The following GNAO1 variants were observed in gnomAD, a reference collection of about 807,000 sequenced individuals.
The protein encoded by GNAO1 is G protein subunit alpha o1, also known as guanine nucleotide-binding protein G(o) subunit alpha.
For missense variants in GNAO1, 166 were observed against 478.7 expected (o/e 0.35, Z 6.10); for synonymous variants, 164 against 180.7 (o/e 0.91, Z 0.74).
intron 3 of GNAO1, among the ~76,000 whole-genome samples, chr16:56,304,097 G>A (rs1323147242): frequency 6.6e-6 from 1 of 152,206 alleles, no homozygotes; most frequent in Admixed American, 6.5e-5. Context: ...GGATACAAGA[G>A]GGCGCCTGGT....
rs189990922 is a variant in GNAO1, at chr16:56,276,056, G to A, written c.287G>A (p.Gly96Asp). ...ATGGACACTTTGGGCATCGAATATG[G>A]TGATAAGGAGAGAAAGGTAGGCCCC... ...RAMDTLGIEYGDKERKADAKM... is the reference protein window; with the variant it reads ...RAMDTLGIEYDDKERKADAKM... The change falls in exon 3 of 9, where the codon GGT becomes GAT. Residue 96 changes from glycine to aspartate, a missense_variant. Transcript: ENST00000262493. 6.2e-7 allele frequency: 1 copy of A among 1,613,814 alleles called. No homozygotes were observed. Among genetic ancestry groups the A allele is most frequent in the Non-Finnish European group, 8.5e-7 (1 of 1,179,852 alleles).
At chr16:56,235,341 C>T (rs1201152865) in intron 2 of GNAO1, 1 of 456,070 alleles carries the variant, frequency 2.2e-6, no homozygotes, top group Admixed American at 2.3e-5. Flanking sequence ...TAGCCCAGCC[C>T]ATCAACAGAT....
At chr16:56,284,627 G>C (rs2037147028) in intron 3 of GNAO1, among the ~76,000 whole-genome samples, 1 of 152,134 alleles carries the variant, frequency 6.6e-6, no homozygotes, top group Non-Finnish European at 1.5e-5. Context: ...GCCCCTCCCA[G>C]CTGCCCCCCA....
chr16:56,297,574 T>C (rs1269976172), intron 3 of GNAO1, among the ~76,000 whole-genome samples: 3 of 135,368 alleles, frequency 2.2e-5, no homozygotes, highest in Admixed American at 2.2e-4. Context: ...TGTGTGTGTA[T>C]GCATGTGTTT....
rs369818930 is a variant in GNAO1 at position 56,355,002 on chromosome 16, C to A, written c.1014C>A (p.Ala338=). The A allele has an allele frequency of 6.2e-7, 1 of 1,613,522 alleles. No homozygotes were observed. The highest frequency in any genetic ancestry group is 1.7e-5 in the Admixed American group (1 of 59,988). Residue 338 remains alanine (A), a synonymous_variant, in exon 8 of 9, where the codon GCC becomes GCA. Transcript: ENST00000262493. ...ATAACATCCAGGTGGTGTTCGACGC[C>A]GTCACCGACATCATCATTGCCAACA... ...DTNNIQVVFD[A]VTDIIIANNL...
intron 3 of GNAO1, among the ~76,000 whole-genome samples, chr16:56,310,141 TAAAAAACAAAAAAAAGAAAGAAAA>T (rs2037440216): frequency 6.7e-6 from 1 of 149,624 alleles, no homozygotes; most frequent in African/African-American, 2.5e-5. Context: ...ACCCCATTTC[TAAAAAACAAAAAAAAGAAAGAAAA>T]AAAAAAGAAA....
chr16:56,258,719 C>A (rs564924151), intron 2 of GNAO1, among the ~76,000 whole-genome samples: 2 of 152,318 alleles, frequency 1.3e-5, no homozygotes, highest in South Asian at 4.1e-4. Context: ...TCTGGGCAGC[C>A]CCTGCCTGTT....
intron 2 of GNAO1, among the ~76,000 whole-genome samples, chr16:56,210,627 G>A (rs1862124327): frequency 6.6e-6 from 1 of 152,206 alleles, no homozygotes; most frequent in South Asian, 2.1e-4. Flanking sequence ...GTATGTTGTG[G>A]TATCTCGTTG....
At chr16:56,240,214 A>G (rs2036681133) in intron 2 of GNAO1, among the ~76,000 whole-genome samples, 1 of 152,162 alleles carries the variant, frequency 6.6e-6, no homozygotes, top group Non-Finnish European at 1.5e-5. Context: ...CATTGGTCTC[A>G]GCTCAGTGTG....
intron 3 of GNAO1, among the ~76,000 whole-genome samples, chr16:56,327,280 C>A (rs995675826): frequency 1.3e-5 from 2 of 152,070 alleles, no homozygotes; most frequent in Admixed American, 1.3e-4. Flanking sequence ...AGCAGAAACA[C>A]GGCCTCTCAA....
intron 2 of GNAO1, among the ~76,000 whole-genome samples, chr16:56,211,779 G>T (rs1333092511): frequency 6.6e-5 from 10 of 152,164 alleles, no homozygotes; most frequent in African/African-American, 2.4e-4. Context: ...CCCGCTTCTC[G>T]TTGATTGTCC....
At chr16:56,348,021 C>A in intron 6 of GNAO1, 1 of 981,404 alleles carries the variant, frequency 1.0e-6, no homozygotes. Flanking sequence ...AGCCGTCTCT[C>A]TCGAGTGCAG....
chr16:56,259,795 ATCT>A (rs1245027379), intron 2 of GNAO1, among the ~76,000 whole-genome samples: 1 of 152,144 alleles, frequency 6.6e-6, no homozygotes, highest in Non-Finnish European at 1.5e-5. Flanking sequence ...GACAACAGAA[ATCT>A]TCTGATTGTT....
intron 2 of GNAO1, among the ~76,000 whole-genome samples, chr16:56,212,439 C>A (rs2036398293): frequency 6.6e-6 from 1 of 152,212 alleles, no homozygotes; most frequent in African/African-American, 2.4e-5. Flanking sequence ...TGTCTCTTGG[C>A]TGACTGTCAT....
At position 56,351,310 on chromosome 16, in the gene GNAO1, C is replaced by G; in HGVS notation, c.724-74C>G. The G allele has an allele frequency of 1.1e-5, 12 of 1,069,776 alleles. No individual in the cohort carries two copies. The highest frequency in any genetic ancestry group is 1.7e-5 in the Non-Finnish European group (12 of 712,546). The allele number at this position is 1,069,776 out of a possible 1,614,324, so 66.3% of individuals were successfully genotyped here. On this transcript the variant is annotated intron_variant, in intron 6 of 8. Coordinates refer to ENST00000262493, the MANE Select transcript of GNAO1 (RefSeq NM_020988.3). This position sits in a 1 kb window ranked among gnomAD's most constrained non-coding sequence, Gnocchi z 6.1. The stretch of plus-strand genomic sequence containing the variant: ...CAGTCCCTCTCTGTCAAGCCTAATT[C>G]TCTCCTTCTCTTTCCCTGTCTCTGT...
chr16:56,312,200 C>A (rs555396350), intron 3 of GNAO1, among the ~76,000 whole-genome samples: 6 of 152,198 alleles, frequency 3.9e-5, no homozygotes, highest in African/African-American at 1.4e-4. Context: ...ATGTGGGCTC[C>A]GGAGTCAGGC....
rs371362351 is a variant in GNAO1, at chr16:56,354,872, A to G, written c.884A>G (p.Asn295Ser). ...CTTCTGTGTCTTGTTACAGGCCCCA[A>G]TACCTATGAAGACGCAGCCGCCTAC... Reference protein sequence around the residue: ...TICFPEYTGPNTYEDAAAYIQ... With the variant: ...TICFPEYTGPSTYEDAAAYIQ... The change falls in exon 8 of 9, where the codon AAT becomes AGT. Residue 295 changes from asparagine (N) to serine (S), a missense_variant. Transcript: ENST00000262493. The surrounding 1 kb of genome is among the most constrained non-coding windows in gnomAD (Gnocchi z 4.3). The G allele has an allele frequency of 9.3e-6, 15 of 1,610,224 alleles. No individual in the cohort carries two copies. The highest frequency in any genetic ancestry group is 1.7e-5 in the Admixed American group (1 of 59,964).
rs747565910 is a variant in GNAO1 at position 56,192,352 on chromosome 16, C to G, written c.117C>G (p.Leu39=). Residue 39 remains leucine (L), a splice_region_variant and synonymous_variant, in exon 1 of 9, where the codon CTC becomes CTG. Coordinates refer to ENST00000262493, the MANE Select transcript of GNAO1 (RefSeq NM_020988.3). The part of the protein sequence containing the change: ...SAAKDVKLLL[L]GAGESGKSTI... Reference sequence around the variant, plus strand: ...CCAAAGACGTGAAATTACTCCTGCTCGGTAAGGACCGCCGCTGCTACCCCC... The same window carrying G: ...CCAAAGACGTGAAATTACTCCTGCTGGGTAAGGACCGCCGCTGCTACCCCC... The G allele has an allele frequency of 2.6e-5, 40 of 1,545,570 alleles. No homozygotes were observed. The highest frequency in any genetic ancestry group is 3.3e-5 in the Admixed American group (2 of 59,886).
chr16:56,291,515 T>C (rs916612327), intron 3 of GNAO1, among the ~76,000 whole-genome samples: 5 of 152,216 alleles, frequency 3.3e-5, no homozygotes, highest in East Asian at 1.9e-4. Context: ...TTATTAGATA[T>C]GCGATTTGCA....
Sources: gnomAD v4.1 joint callset for allele counts (sites outside exome capture counted in the v4.1 genomes callset) on GRCh38, gnomAD v4.1.1 for gene constraint, Gnocchi (gnomAD v3.1) non-coding constraint, MANE v1.5 for transcripts, NCBI Gene and HGNC (gene_info 2026-07-23, HGNC 2026-07-21) for gene names.